Variants in SPMIP4 observed in about 807,000 individuals in gnomAD.
SPMIP4 encodes the protein sperm microtubule inner protein 4.
At chr7:25,136,929 T>C in the SPMIP4 span, 2 of 838,196 alleles carry the variant, frequency 2.4e-6, no homozygotes, top group Non-Finnish European at 3.7e-6. The surrounding 1 kb of genome is among the most constrained non-coding windows in gnomAD (Gnocchi z 5.7). Flanking sequence ...TGCTCTTTGA[T>C]ACTAATTTAA....
At chr7:25,135,311 A>C in the SPMIP4 span, 1 of 984,762 alleles carries the variant, frequency 1.0e-6, no homozygotes, top group Non-Finnish European at 1.2e-6. Context: ...TATGTTTCTC[A>C]ATCAGAAGGT....
At chr7:25,161,251 AG>A in the SPMIP4 span, 1 of 1,538,204 alleles carries the variant, frequency 6.5e-7, no homozygotes, top group Non-Finnish European at 8.9e-7. Context: ...ATTGTTCAAC[AG>A]GAAGCTTTCT....
the SPMIP4 span, chr7:25,168,245 T>C: frequency 1.3e-6 from 2 of 1,541,400 alleles, no homozygotes; most frequent in East Asian, 4.8e-5. Flanking sequence ...TAAAGAAAAA[T>C]GGATAATAAA....
the SPMIP4 span, among the ~76,000 whole-genome samples, chr7:25,165,940 C>A: frequency 6.6e-6 from 1 of 152,188 alleles, no homozygotes; most frequent in Admixed American, 6.5e-5. Context: ...GCTTCCCAGC[C>A]TTCCTAGCAG....
the SPMIP4 span, among the ~76,000 whole-genome samples, chr7:25,146,577 T>A: frequency 6.6e-6 from 1 of 152,154 alleles, no homozygotes; most frequent in African/African-American, 2.4e-5. Flanking sequence ...ATGAGGAAAG[T>A]ATCTCTAGGA....
At chr7:25,134,557 C>G in the SPMIP4 span, 10 of 471,320 alleles carry the variant, frequency 2.1e-5, no homozygotes, top group Non-Finnish European at 2.8e-5. Flanking sequence ...GCTGTGCCAC[C>G]CTTGCATGGA....
the SPMIP4 span, among the ~76,000 whole-genome samples, chr7:25,164,441 T>C: frequency 2.6e-5 from 4 of 152,068 alleles, no homozygotes; most frequent in African/African-American, 9.7e-5. Flanking sequence ...TAGTATTGTC[T>C]TCAGTAGCAT....
At chr7:25,136,098 T>C in the SPMIP4 span, 3 of 1,614,176 alleles carry the variant, frequency 1.9e-6, no homozygotes, top group Non-Finnish European at 1.7e-6. The surrounding 1 kb of genome is among the most constrained non-coding windows in gnomAD (Gnocchi z 5.7). Context: ...CACCAGTTTT[T>C]GAAAAAGAGT....
chr7:25,142,642 G>A, the SPMIP4 span: 48 of 1,605,782 alleles, frequency 3.0e-5, no homozygotes, highest in Non-Finnish European at 4.1e-5. Flanking sequence ...ACTCATACCT[G>A]TAAAATCATG....
the SPMIP4 span, among the ~76,000 whole-genome samples, chr7:25,161,701 C>A: frequency 6.7e-6 from 1 of 148,360 alleles, no homozygotes; most frequent in Non-Finnish European, 1.5e-5. Flanking sequence ...ATGATTCTCC[C>A]GCCTCAGCCT....
At chr7:25,155,782 A>G in the SPMIP4 span, among the ~76,000 whole-genome samples, 584 of 152,264 alleles carry the variant, frequency 3.8e-3, 4 homozygotes, top group African/African-American at 0.013. Context: ...TGTTAAAGAG[A>G]CCATAGGGAT....
At chr7:25,152,414 T>C in the SPMIP4 span, among the ~76,000 whole-genome samples, 1 of 152,218 alleles carries the variant, frequency 6.6e-6, no homozygotes, top group Non-Finnish European at 1.5e-5. Flanking sequence ...CATCTTCATA[T>C]GTAATAAGAA....
At chr7:25,146,619 C>T in the SPMIP4 span, among the ~76,000 whole-genome samples, 18 of 152,220 alleles carry the variant, frequency 1.2e-4, no homozygotes, top group Admixed American at 7.8e-4. Flanking sequence ...GGAAAGATGG[C>T]AGGTGGATCA....
the SPMIP4 span, among the ~76,000 whole-genome samples, chr7:25,152,143 G>A: frequency 6.6e-6 from 1 of 152,162 alleles, no homozygotes; most frequent in African/African-American, 2.4e-5. Flanking sequence ...AAGTGTTCCT[G>A]GATCCTCTTT....
the SPMIP4 span, among the ~76,000 whole-genome samples, chr7:25,174,731 C>T: frequency 2.6e-5 from 4 of 152,022 alleles, no homozygotes; most frequent in Non-Finnish European, 5.9e-5. This position sits in a 1 kb window ranked among gnomAD's most constrained non-coding sequence, Gnocchi z 4.5. Context: ...GTTTGTTTGC[C>T]CTGTGAGCTG....
At chr7:25,135,763 C>T in the SPMIP4 span, 1 of 1,239,986 alleles carries the variant, frequency 8.1e-7, no homozygotes, top group South Asian at 3.3e-5. Flanking sequence ...ATTTTATTGC[C>T]AAATTGTTAA....
At chr7:25,178,860 G>A in the SPMIP4 span, among the ~76,000 whole-genome samples, 1 of 152,102 alleles carries the variant, frequency 6.6e-6, no homozygotes, top group Admixed American at 6.5e-5. Flanking sequence ...CCAACATAGT[G>A]AAACCCTGTC....
chr7:25,155,080 G>A, the SPMIP4 span: 28 of 1,613,972 alleles, frequency 1.7e-5, no homozygotes, highest in African/African-American at 2.7e-5. Flanking sequence ...TGCTGGGTGC[G>A]GGCTTTAATG....
the SPMIP4 span, among the ~76,000 whole-genome samples, chr7:25,147,838 T>G: frequency 6.6e-6 from 1 of 152,228 alleles, no homozygotes; most frequent in Admixed American, 6.5e-5. Flanking sequence ...AGGACAGCAT[T>G]ATCAGGTAGA....
Sources: allele counts gnomAD v4.1 joint callset (sites outside exome capture counted in the v4.1 genomes callset), GRCh38; gene constraint gnomAD v4.1.1; non-coding constraint Gnocchi (gnomAD v3.1); transcripts MANE v1.5; gene names NCBI Gene and HGNC (gene_info 2026-07-23, HGNC 2026-07-21).